DOP1B: variants seen among roughly 807,000 people sequenced by gnomAD.
The protein encoded by DOP1B is protein DOP1B.
In DOP1B, 174 loss-of-function variants were observed where a neutral mutation model predicts 233.5. The ratio of observed to expected loss-of-function variants is 0.75; its 90% CI spans 0.66 to 0.85. DOP1B has a LOEUF of 0.85. DOP1B is among the 40% of genes least tolerant of loss of function. DOP1B has a pLI of 0.00. For synonymous variants in DOP1B, 1,190 were observed against 1,185.6 expected (o/e 1.00, Z -0.08); for missense variants, 2,652 against 2,846.6 (o/e 0.93, Z 1.56).
At chr21:36,256,629 C>T (rs939012198) in intron 23 of DOP1B, among the ~76,000 whole-genome samples, 4 of 152,138 alleles carry the variant, frequency 2.6e-5, no homozygotes, top group Non-Finnish European at 1.5e-5. Flanking sequence ...CGTTAGTACT[C>T]AGCCTCGAGA....
chr21:36,282,002 C>T (rs1160536947), intron 32 of DOP1B, among the ~76,000 whole-genome samples: 1 of 152,172 alleles, frequency 6.6e-6, no homozygotes, highest in African/African-American at 2.4e-5. Context: ...CCATGAGGGG[C>T]TGAGATGATT....
intron 26 of DOP1B, among the ~76,000 whole-genome samples, chr21:36,264,192 G>A (rs1196694247): frequency 6.6e-6 from 1 of 152,136 alleles, no homozygotes; most frequent in Admixed American, 6.6e-5. Flanking sequence ...AGGCTGAGGC[G>A]GGCAGATTGC....
chr21:36,263,446 C>A, intron 24 of DOP1B, 100 bp from the exon 25 acceptor site: 1 of 984,688 alleles, frequency 1.0e-6, no homozygotes, highest in South Asian at 1.4e-5. Context: ...ATGCTGTTTA[C>A]CCTTTGCTTT....
chr21:36,203,634 G>A (rs2066395447), intron 4 of DOP1B, among the ~76,000 whole-genome samples: 1 of 143,298 alleles, frequency 7.0e-6, no homozygotes, highest in Non-Finnish European at 1.5e-5. Flanking sequence ...AGCAGAAAGG[G>A]AGGGTGCAGT....
chr21:36,194,780 C>G (rs1420308317), intron 2 of DOP1B, among the ~76,000 whole-genome samples: 2 of 152,166 alleles, frequency 1.3e-5, no homozygotes, highest in African/African-American at 4.8e-5. Flanking sequence ...AGCCACTGCA[C>G]CCAGCCTTCT....
At chr21:36,242,151 CATTATTATTATTATT>C (rs78154894) in intron 18 of DOP1B, among the ~76,000 whole-genome samples, 1 of 143,962 alleles carries the variant, frequency 6.9e-6, no homozygotes, top group Non-Finnish European at 1.5e-5. Flanking sequence ...GTTCCTTGGG[CATTATTATTATTATT>C]ATTATTATTA....
intron 18 of DOP1B, among the ~76,000 whole-genome samples, chr21:36,241,806 G>A (rs1328148438): frequency 2.0e-5 from 3 of 147,106 alleles, no homozygotes; most frequent in Non-Finnish European, 4.4e-5. Context: ...CTCCTAAATT[G>A]CTGGGATTAC....
At chr21:36,239,987 G>A (rs1265245671) in intron 18 of DOP1B, 32 bp downstream of exon 18, 4 of 1,581,368 alleles carry the variant, frequency 2.5e-6, no homozygotes, top group Non-Finnish European at 3.4e-6. Flanking sequence ...CGAGGGTGAG[G>A]GAGGAATGGG....
At chr21:36,247,819 A>G (rs921605674) in intron 20 of DOP1B, among the ~76,000 whole-genome samples, 191 bp downstream of exon 20, 2 of 152,274 alleles carry the variant, frequency 1.3e-5, no homozygotes, top group African/African-American at 4.8e-5. Context: ...TGTGTTAGCA[A>G]TGCAAGTGCC....
intron 25 of DOP1B, 22 bp downstream of exon 25, chr21:36,263,672 A>G (rs776985459): frequency 6.2e-7 from 1 of 1,613,214 alleles, no homozygotes; most frequent in African/African-American, 1.3e-5. Flanking sequence ...CCACATTGTC[A>G]TTGTGTAATA....
intron 1 of DOP1B, among the ~76,000 whole-genome samples, chr21:36,158,847 G>A (rs1020642109): frequency 6.6e-6 from 1 of 151,284 alleles, no homozygotes; most frequent in Non-Finnish European, 1.5e-5. Flanking sequence ...CATGCATAAG[G>A]CCAGGTGCAG....
At chr21:36,201,291 G>A (rs1369158602) in intron 4 of DOP1B, among the ~76,000 whole-genome samples, 2 of 150,262 alleles carry the variant, frequency 1.3e-5, no homozygotes, top group Non-Finnish European at 3.0e-5. Flanking sequence ...TTTCCCAGTC[G>A]CACAGTCAGT....
chr21:36,242,069 A>G (rs1373837174), intron 18 of DOP1B, among the ~76,000 whole-genome samples: 1 of 152,040 alleles, frequency 6.6e-6, no homozygotes, highest in Non-Finnish European at 1.5e-5. Flanking sequence ...AAGTTTGGCT[A>G]CTATTCATGG....
chr21:36,288,793 A>T lies in DOP1B; in HGVS notation c.6335A>T (p.Asp2112Val). 1.2e-6 allele frequency: 2 copies of T among 1,613,614 alleles called. No individual in the cohort carries two copies. Among genetic ancestry groups the T allele is most frequent in the Non-Finnish European group, 1.7e-6 (2 of 1,179,678 alleles). ...TFTQLEEDLK[D>V]EDESLRSTNK... Reference sequence around the variant, plus strand: ...ACACAGCTTGAAGAAGATCTAAAAGATGAAGATGAGTCATTGAGGTAAGCA... The same window carrying T: ...ACACAGCTTGAAGAAGATCTAAAAGTTGAAGATGAGTCATTGAGGTAAGCA... Residue 2112 changes from aspartate (D) to valine (V), a missense_variant, in exon 34 of 37, where the codon GAT (aspartate) becomes GTT (valine). By Grantham distance (152) the Asp-to-Val change is radical. Around this residue, in one of 3 missense-constraint regions of DOP1B, gnomAD observed 2,617 missense variants for 2,794.3 expected, o/e 0.94. Coordinates refer to ENST00000691173, the MANE Select transcript of DOP1B (RefSeq NM_001320714.2).
rs368654546 is a variant in DOP1B, at chr21:36,212,442, G to A, written c.904+345G>A. Among the ~76,000 whole-genome samples the A allele has an allele frequency of 2.8e-3, 428 of 152,310 alleles. 2 individuals carry two copies. The highest frequency in any genetic ancestry group is 9.7e-3 in the African/African-American group (403 of 41,570). On this transcript the variant is annotated intron_variant, in intron 7 of 36. Transcript: ENST00000691173. ...AAGTTCCATGGGATGAGGGTGTATCGTGGAGAAAACTTACAAATATTGTGG... is the reference window on the plus strand; with the variant it reads ...AAGTTCCATGGGATGAGGGTGTATCATGGAGAAAACTTACAAATATTGTGG...
At chr21:36,280,194 T>C in intron 30 of DOP1B, 91 bp from the exon 31 acceptor site, 1 of 980,248 alleles carries the variant, frequency 1.0e-6, no homozygotes, top group East Asian at 2.6e-5. Context: ...GTTTTTAATA[T>C]ATCTTAAGAG....
rs139555293 is a variant in DOP1B at position 36,214,099 on chromosome 21, A to G, written c.923A>G (p.Asn308Ser). 26 of 1,613,860 alleles carry G rather than the reference A, an allele frequency of 1.6e-5. No individual in the cohort carries two copies. Among genetic ancestry groups the G allele is most frequent in the Non-Finnish European group, 2.2e-5 (26 of 1,179,954 alleles). ...AWLLGSDIKG[N>S]TVVPESEISN... ...TTTGTAGGCTCAGACATAAAAGGAA[A>G]TACCGTTGTGCCAGAATCTGAAATC... The change falls in exon 8 of 37, where the codon AAT becomes AGT. Residue 308 changes from asparagine (N) to serine (S), a missense_variant. By Grantham distance (46) the Asn-to-Ser change is conservative (BLOSUM62 1). Transcript: ENST00000691173.
chr21:36,204,415 G>A (rs932920801), intron 4 of DOP1B, among the ~76,000 whole-genome samples: 3 of 152,100 alleles, frequency 2.0e-5, no homozygotes, highest in South Asian at 2.1e-4. Context: ...AGGGGAAGAC[G>A]TACCCTCTTA....
intron 2 of DOP1B, among the ~76,000 whole-genome samples, chr21:36,186,236 C>T (rs1371139129): frequency 6.6e-6 from 1 of 151,922 alleles, no homozygotes; most frequent in Non-Finnish European, 1.5e-5. Flanking sequence ...TCTGATCTAG[C>T]ATGTGGATTC....
Sources: allele counts gnomAD v4.1 joint callset (sites outside exome capture counted in the v4.1 genomes callset), GRCh38; gene constraint gnomAD v4.1.1; regional missense constraint gnomAD v4.1.1; transcripts MANE v1.5; gene names NCBI Gene and HGNC (gene_info 2026-07-23, HGNC 2026-07-21).